Variants in NKAIN2 observed in about 807,000 individuals in gnomAD.
NKAIN2 encodes sodium/potassium-transporting ATPase subunit beta-1-interacting protein 2.
NKAIN2 carries 14 observed loss-of-function variants against 32.6 expected under a neutral mutation model. The ratio of observed to expected loss-of-function variants is 0.43; its 90% confidence interval spans 0.28 to 0.67. The LOEUF (loss-of-function observed/expected upper bound fraction) is 0.67, where lower values mean the gene tolerates loss of function less well. Ranked by LOEUF, NKAIN2 falls within the 30% of genes least tolerant of loss-of-function variation. The pLI, the probability that NKAIN2 is intolerant of heterozygous loss-of-function variation, is 0.17. For missense variants in NKAIN2, 198 were observed against 258.3 expected (o/e 0.77, Z 1.60); for synonymous variants, 80 against 87.2 (o/e 0.92, Z 0.46).
intron 1 of NKAIN2, among the ~76,000 whole-genome samples, chr6:123,986,724 C>T (rs1779154049): frequency 6.6e-6 from 1 of 152,172 alleles, no homozygotes; most frequent in Non-Finnish European, 1.5e-5. Flanking sequence ...GACTGAAAAA[C>T]ATCACTGCTC....
At chr6:123,976,380 T>TATATATATATATATTCCC (rs1778624363) in intron 1 of NKAIN2, among the ~76,000 whole-genome samples, 2 of 30,994 alleles carry the variant, frequency 6.5e-5, no homozygotes, top group Admixed American at 2.7e-4. Context: ...CCCATATATA[T>TATATATATATATATTCCC]ATATATATAT....
intron 1 of NKAIN2, among the ~76,000 whole-genome samples, chr6:124,035,075 C>T (rs925874970): frequency 6.6e-6 from 1 of 151,850 alleles, no homozygotes; most frequent in African/African-American, 2.4e-5. Flanking sequence ...TAATATGCTT[C>T]GATTGCAAAT....
At chr6:124,742,908 G>C (rs545020437) in intron 4 of NKAIN2, among the ~76,000 whole-genome samples, 1 of 151,996 alleles carries the variant, frequency 6.6e-6, no homozygotes, top group East Asian at 1.9e-4. Context: ...AACATAATAA[G>C]ATCAAAACAT....
chr6:123,951,349 A>C (rs961250302), intron 1 of NKAIN2, among the ~76,000 whole-genome samples: 1 of 151,994 alleles, frequency 6.6e-6, no homozygotes, highest in Non-Finnish European at 1.5e-5. Flanking sequence ...TAATACTAAG[A>C]GTGAAGTGTT....
chr6:124,608,302 CT>C, intron 3 of NKAIN2, among the ~76,000 whole-genome samples: 1 of 152,288 alleles, frequency 6.6e-6, no homozygotes, highest in East Asian at 1.9e-4. Context: ...GCCTCCAGCA[CT>C]TTCCATGTTA....
intron 3 of NKAIN2, among the ~76,000 whole-genome samples, chr6:124,641,911 A>G (rs1784008542): frequency 6.6e-6 from 1 of 152,010 alleles, no homozygotes; most frequent in South Asian, 2.1e-4. Context: ...ATGTTTTTAG[A>G]GCAATGGTTG....
At chr6:124,036,709 G>T (rs1781618339) in intron 1 of NKAIN2, among the ~76,000 whole-genome samples, 1 of 152,174 alleles carries the variant, frequency 6.6e-6, no homozygotes, top group South Asian at 2.1e-4. Context: ...GAGAGACTGG[G>T]AAGTCAAACT....
At chr6:124,588,253 C>A (rs1407632159) in intron 3 of NKAIN2, among the ~76,000 whole-genome samples, 1 of 152,118 alleles carries the variant, frequency 6.6e-6, no homozygotes, top group African/African-American at 2.4e-5. Flanking sequence ...GTACACATCA[C>A]TTTAAGTATG....
intron 2 of NKAIN2, among the ~76,000 whole-genome samples, chr6:124,338,461 T>C (rs1026916383): frequency 6.6e-6 from 1 of 152,210 alleles, no homozygotes; most frequent in Admixed American, 6.5e-5. Flanking sequence ...ACCGTCATAC[T>C]GATGATGATT....
At chr6:123,941,740 G>A (rs1391597712) in intron 1 of NKAIN2, among the ~76,000 whole-genome samples, 1 of 151,982 alleles carries the variant, frequency 6.6e-6, no homozygotes. Flanking sequence ...CTGCTTCGGG[G>A]TTCAGAAAGA....
chr6:124,613,286 A>G (rs1782758993), intron 3 of NKAIN2, among the ~76,000 whole-genome samples: 1 of 151,892 alleles, frequency 6.6e-6, no homozygotes, highest in African/African-American at 2.4e-5. Flanking sequence ...CATTCATTCA[A>G]CTCCCCTTGT....
intron 2 of NKAIN2, among the ~76,000 whole-genome samples, chr6:124,307,553 T>G (rs1796556155): frequency 6.6e-6 from 1 of 152,156 alleles, no homozygotes; most frequent in Non-Finnish European, 1.5e-5. Context: ...AAAAATAGCT[T>G]ACAATCAATA....
At chr6:124,479,281 T>C (rs1337795669) in intron 3 of NKAIN2, among the ~76,000 whole-genome samples, 1 of 152,194 alleles carries the variant, frequency 6.6e-6, no homozygotes, top group East Asian at 1.9e-4. Flanking sequence ...CATGTATCGA[T>C]ATTGGTTCCT....
intron 1 of NKAIN2, among the ~76,000 whole-genome samples, chr6:123,946,553 G>A (rs1322674298): frequency 6.6e-6 from 1 of 152,010 alleles, no homozygotes; most frequent in African/African-American, 2.4e-5. Flanking sequence ...AAAAAAATCA[G>A]CTGTCAGATT....
intron 3 of NKAIN2, among the ~76,000 whole-genome samples, chr6:124,384,382 T>C (rs1772793236): frequency 6.6e-6 from 1 of 152,130 alleles, no homozygotes. Flanking sequence ...CAAAGACAGA[T>C]TGAACTATTG....
chr6:124,232,832 G>A (rs1402425740), intron 1 of NKAIN2, among the ~76,000 whole-genome samples: 1 of 152,082 alleles, frequency 6.6e-6, no homozygotes, highest in Non-Finnish European at 1.5e-5. Flanking sequence ...GCTTGTGTTA[G>A]TCTTCTAAAC....
chr6:124,345,203 A>C (rs577922853), intron 2 of NKAIN2, among the ~76,000 whole-genome samples: 30 of 152,250 alleles, frequency 2.0e-4, no homozygotes, highest in African/African-American at 7.0e-4. Flanking sequence ...TTGGTGGACA[A>C]GCTTTTTGAT....
intron 3 of NKAIN2, among the ~76,000 whole-genome samples, chr6:124,574,899 T>G (rs1191302278): frequency 1.3e-5 from 2 of 152,212 alleles, no homozygotes; most frequent in African/African-American, 4.8e-5. Context: ...ACATGTAAGA[T>G]GTACTGGGTT....
intron 3 of NKAIN2, among the ~76,000 whole-genome samples, chr6:124,473,040 G>GTTGGATGT (rs2114677299): frequency 6.6e-6 from 1 of 152,248 alleles, no homozygotes; most frequent in African/African-American, 2.4e-5. Context: ...TCTGCAGAAG[G>GTTGGATGT]ATAGAAGCTT....
Sources: gnomAD v4.1 joint callset for allele counts (sites outside exome capture counted in the v4.1 genomes callset) on GRCh38, gnomAD v4.1.1 for gene constraint, MANE v1.5 for transcripts, NCBI Gene and HGNC (gene_info 2026-07-23, HGNC 2026-07-21) for gene names.